Variants in NUMBL observed in about 807,000 individuals in gnomAD.
NUMBL encodes the protein numb-like protein.
In NUMBL, 20 loss-of-function variants were observed where a neutral mutation model predicts 48.9. The observed-to-expected ratio is 0.41, with a 90% confidence interval of 0.29 to 0.59. The LOEUF (loss-of-function observed/expected upper bound fraction) is 0.59. Among genes scored for constraint, NUMBL ranks in the 20% least tolerant of loss-of-function variants. The pLI is 0.31. For missense variants in NUMBL, 660 were observed against 846.2 expected, an observed-to-expected ratio of 0.78 and a Z score of 2.73; for synonymous variants, 340 against 348.7, an observed-to-expected ratio of 0.98 and a Z score of 0.28.
At chr19:40,677,170 C>T (rs2081880625) in intron 7 of NUMBL, 62 bp downstream of exon 7, 1 of 1,508,328 alleles carries the variant, frequency 6.6e-7, no homozygotes, top group Non-Finnish European at 9.0e-7. Flanking sequence ...AGCTCCCTGC[C>T]CCCTGATACT....
In NUMBL at chr19:40,686,943, G is replaced by A. The variant is rs746385018; in HGVS notation, c.77C>T (p.Pro26Leu). The A allele has an allele frequency of 1.9e-5, 29 of 1,544,790 alleles. No homozygotes were observed. Among genetic ancestry groups the A allele is most frequent in the Middle Eastern group, 1.7e-4 (1 of 5,852 alleles). The change falls in exon 2 of 10, where the codon CCG becomes CTG. Residue 26 changes from proline (P) to leucine (L), a missense_variant. Physicochemically the swap from Pro to Leu is moderately conservative, Grantham distance 98. This residue lies in a region of NUMBL where 86 missense variants were observed against 85.9 expected (regional missense o/e 1.00). Coordinates refer to ENST00000252891, the MANE Select transcript of NUMBL (RefSeq NM_004756.5). ...CGTCCTGCAGGTTTCTGGGGGCCCCGGGGCCCCACAGGGGGCTGGGGGCAG... is the reference window on the plus strand; with the variant it reads ...CGTCCTGCAGGTTTCTGGGGGCCCCAGGGCCCCACAGGGGGCTGGGGGCAG... Reference protein sequence around the residue: ...RHLPPAPCGAPGPPETCRTEP... With the variant: ...RHLPPAPCGALGPPETCRTEP...
At chr19:40,681,392 TACTA>T (rs1327018096) in intron 5 of NUMBL, among the ~76,000 whole-genome samples, 6 of 152,088 alleles carry the variant, frequency 3.9e-5, no homozygotes, top group South Asian at 2.1e-4. Flanking sequence ...CTGGAGCAGG[TACTA>T]ACTAAGAAAA....
At position 40,675,576 on chromosome 19, in the gene NUMBL, AACACACACACACAC is replaced by A. The variant is rs3071383; in HGVS notation, c.730+1642_730+1655del. ...AGGACATACATACAATTATATTTTA[AACACACACACACAC>A]ACACACACACACACACACACACACA... On this transcript the variant is annotated intron_variant, in intron 7 of 9. Coordinates refer to ENST00000252891, the MANE Select transcript of NUMBL (RefSeq NM_004756.5). Among the ~76,000 whole-genome samples the A allele has an allele frequency of 2.1e-3, 305 of 142,386 alleles. 1 individual carries two copies. Among genetic ancestry groups the A allele is most frequent in the African/African-American group, 7.5e-3 (288 of 38,520 alleles). 93.4% of individuals were successfully genotyped at this position (142,386 alleles called of 152,430 possible). A position where few individuals can be genotyped will look rare whatever the true frequency, so the allele number is the denominator to read the frequency against.
rs889882502 is a variant in NUMBL, at chr19:40,687,001, C to T, written c.25-6G>A. On this transcript the variant is annotated splice_polypyrimidine_tract_variant and splice_region_variant and intron_variant, in intron 1 of 9. Coordinates refer to ENST00000252891, the MANE Select transcript of NUMBL (RefSeq NM_004756.5). This position sits in a 1 kb window ranked among gnomAD's most constrained non-coding sequence, Gnocchi z 4.6. ...TCAGGCCTCCGGGGTCCGCCCTGCC[C>T]GAGTAGGGGAGGAGAAGGTGAGAAG... 1 of 1,491,668 alleles carries T rather than the reference C, an allele frequency of 6.7e-7. No homozygotes were observed. Among genetic ancestry groups the T allele is most frequent in the Non-Finnish European group, 8.9e-7 (1 of 1,123,522 alleles). The allele number at this position is 1,491,668 out of a possible 1,614,324, so 92.4% of individuals were successfully genotyped here. A position where few individuals can be genotyped will look rare whatever the true frequency, so the allele number is the denominator to read the frequency against.
Position 40,687,615 on chromosome 19 carries a change from A to G in NUMBL, c.25-620T>C, listed in dbSNP as rs1304984973. On this transcript the variant is annotated intron_variant, in intron 1 of 9. Transcript: ENST00000252891. This position sits in a 1 kb window ranked among gnomAD's most constrained non-coding sequence, Gnocchi z 4.6. The stretch of plus-strand genomic sequence containing the variant: ...GCCACATACAAAGAACGGGGCCCAG[A>G]CAACCCACTAGAGCCGCACATGCGT... Among the ~76,000 whole-genome samples, 1 of 152,128 alleles carries G rather than the reference A, an allele frequency of 6.6e-6. No homozygotes were observed. Among genetic ancestry groups the G allele is most frequent in the Non-Finnish European group, 1.5e-5 (1 of 68,020 alleles).
At chr19:40,670,148 G>A in intron 8 of NUMBL, 128 bp from the exon 9 acceptor site, 1 of 1,103,134 alleles carries the variant, frequency 9.1e-7, no homozygotes, top group Non-Finnish European at 1.3e-6. Context: ...TAACTAAGTG[G>A]CCATGACCGC....
chr19:40,678,540 G>A lies in NUMBL; in HGVS notation c.541-1119C>T, dbSNP rs1342792150. Among the ~76,000 whole-genome samples, 6 of 152,086 alleles carry A rather than the reference G, an allele frequency of 3.9e-5. No individual in the cohort carries two copies. In the South Asian group the frequency reaches 1.0e-3, roughly 26 times the overall value. On this transcript the variant is annotated intron_variant, in intron 6 of 9. Coordinates refer to ENST00000252891, the MANE Select transcript of NUMBL (RefSeq NM_004756.5). ...TGAGAGGTGAAGATACAGAAAGCAG[G>A]CATCCATCTGCAAACCAGGAAAAGA...
chr19:40,678,161 T>G (rs973007413), intron 6 of NUMBL, among the ~76,000 whole-genome samples: 1 of 151,812 alleles, frequency 6.6e-6, no homozygotes, highest in African/African-American at 2.4e-5. Context: ...ATTAATGCCC[T>G]TATTTATTTA....
At chr19:40,669,450 A>G (rs1276988004) in intron 9 of NUMBL, among the ~76,000 whole-genome samples, 2 of 151,572 alleles carry the variant, frequency 1.3e-5, no homozygotes, top group Non-Finnish European at 2.9e-5. Context: ...TGATCACATG[A>G]TTCTTAGGTA....
chr19:40,668,200 C>T, intron 9 of NUMBL, 62 bp from the exon 10 acceptor site: 1 of 1,507,462 alleles, frequency 6.6e-7, no homozygotes, highest in Non-Finnish European at 8.9e-7. Flanking sequence ...GAACCCCAGG[C>T]TGGGAACTGG....
chr19:40,667,264 T>A lies in NUMBL; in HGVS notation c.*204A>T. 1.4e-6 allele frequency: 1 copy of A among 701,520 alleles called. No individual in the cohort carries two copies. The highest frequency in any genetic ancestry group is 2.3e-6 in the Non-Finnish European group (1 of 436,786). 43.5% of individuals were successfully genotyped at this position (701,520 alleles called of 1,614,324 possible). ...AGTGAAATGGTTCCCTTAGCCAGGCTGGGTCCGTCCCTGAATTCCATCCTG... is the reference window on the plus strand; with the variant it reads ...AGTGAAATGGTTCCCTTAGCCAGGCAGGGTCCGTCCCTGAATTCCATCCTG... On this transcript the variant is annotated 3_prime_UTR_variant, in exon 10 of 10. Transcript: ENST00000252891. The surrounding 1 kb of genome is among the most constrained non-coding windows in gnomAD (Gnocchi z 6.1).
chr19:40,689,237 T>A (rs943059999), intron 1 of NUMBL, among the ~76,000 whole-genome samples: 1 of 151,930 alleles, frequency 6.6e-6, no homozygotes, highest in African/African-American at 2.4e-5. Flanking sequence ...TACCGAGGCA[T>A]ACAAACACAG....
chr19:40,673,396 A>G lies in NUMBL; in HGVS notation c.984T>C (p.Asn328=), dbSNP rs1003693821. 5 of 1,613,798 alleles carry G rather than the reference A, an allele frequency of 3.1e-6. No homozygotes were observed. The highest frequency in any genetic ancestry group is 4.2e-6 in the Non-Finnish European group (5 of 1,179,886). ...GGCGCTGCAGCGTGGATGGCAGCTCATTCAGCCGTAGGCTCAGCTGCCGTT... is the reference window on the plus strand; with the variant it reads ...GGCGCTGCAGCGTGGATGGCAGCTCGTTCAGCCGTAGGCTCAGCTGCCGTT... ...PFKRQLSLRL[N]ELPSTLQRRT... is the part of the protein sequence containing the mutation. Residue 328 remains asparagine (N), a synonymous_variant, in exon 8 of 10, where the codon AAT becomes AAC. Coordinates refer to ENST00000252891, the MANE Select transcript of NUMBL (RefSeq NM_004756.5). This position sits in a 1 kb window ranked among gnomAD's most constrained non-coding sequence, Gnocchi z 5.9.
intron 7 of NUMBL, among the ~76,000 whole-genome samples, chr19:40,676,230 A>G (rs1389445107): frequency 6.6e-6 from 1 of 152,138 alleles, no homozygotes; most frequent in Non-Finnish European, 1.5e-5. Context: ...AGTTCTACAA[A>G]ATATAAAAAT....
At position 40,682,985 on chromosome 19, in the gene NUMBL, T is replaced by TG. The variant is rs3833218; in HGVS notation, c.250-18dup. 54,055 of 1,418,546 alleles carry TG rather than the reference T, an allele frequency of 0.038. 134 individuals are homozygous for TG. Among genetic ancestry groups the TG allele is most frequent in the African/African-American group, 0.088 (6,075 of 69,130 alleles). 87.9% of individuals were successfully genotyped at this position (1,418,546 alleles called of 1,614,324 possible). A position where few individuals can be genotyped will look rare whatever the true frequency, so the allele number is the denominator to read the frequency against. ...ACCCAGGTACTTGGGTTGGAGGGAA[T>TG]GGGGGGGGGGACATGAAACAGCACA... On this transcript the variant is annotated splice_polypyrimidine_tract_variant and intron_variant, in intron 3 of 9. Transcript: ENST00000252891. This position sits in a 1 kb window ranked among gnomAD's most constrained non-coding sequence, Gnocchi z 4.0.
Position 40,682,606 on chromosome 19 carries a change from G to T in NUMBL, c.399+122C>A, listed in dbSNP as rs1174781096. The stretch of plus-strand genomic sequence containing the variant: ...AGTTATGACGACAGAGGGAGCACAC[G>T]GCATCGTCTAGAAGGTCCCTGAGGG... On this transcript the variant is annotated intron_variant, in intron 5 of 9. Coordinates refer to ENST00000252891, the MANE Select transcript of NUMBL (RefSeq NM_004756.5). This position sits in a 1 kb window ranked among gnomAD's most constrained non-coding sequence, Gnocchi z 4.0. 2 of 818,922 alleles carry T rather than the reference G, an allele frequency of 2.4e-6. No individual in the cohort carries two copies. The highest frequency in any genetic ancestry group is 2.6e-5 in the Admixed American group (1 of 38,976). 50.7% of individuals were successfully genotyped at this position (818,922 alleles called of 1,614,324 possible). A position where few individuals can be genotyped will look rare whatever the true frequency, so the allele number is the denominator to read the frequency against.
chr19:40,667,320 G>A lies in NUMBL; in HGVS notation c.*148C>T, dbSNP rs560803711. ...ACCTGGGCGTCACAATGTTGGTTCT[G>A]TAGTGGTTGTCGGGGTGGTTGAGGG... On this transcript the variant is annotated 3_prime_UTR_variant, in exon 10 of 10. Transcript: ENST00000252891. The surrounding 1 kb of genome is among the most constrained non-coding windows in gnomAD (Gnocchi z 6.1). 3.5e-6 allele frequency: 4 copies of A among 1,154,888 alleles called. No individual in the cohort carries two copies. In the African/African-American group the frequency reaches 6.2e-5, roughly 18 times the overall value. 71.5% of individuals were successfully genotyped at this position (1,154,888 alleles called of 1,614,324 possible). A position where few individuals can be genotyped will look rare whatever the true frequency, so the allele number is the denominator to read the frequency against.
In NUMBL at chr19:40,680,945, C is replaced by G; in HGVS notation, c.512G>C (p.Cys171Ser). 6.2e-7 allele frequency: 1 copy of G among 1,614,136 alleles called. No individual in the cohort carries two copies. Among genetic ancestry groups the G allele is most frequent in the Non-Finnish European group, 8.5e-7 (1 of 1,180,016 alleles). ...GTCCTTCAGTGCCAGAAAACAGTGG[C>G]AGATCCAGCGGCGGGTAGTCCCGTC... Reference protein sequence around the residue: ...CRDGTTRRWICHCFLALKDSG... With the variant: ...CRDGTTRRWISHCFLALKDSG... The change falls in exon 6 of 10, where the codon TGC becomes TCC. Residue 171 changes from cysteine to serine, a missense_variant. Around this residue, in one of 3 missense-constraint regions of NUMBL, gnomAD observed 278 missense variants for 420.6 expected, o/e 0.66. Transcript: ENST00000252891.
chr19:40,669,972 G>A lies in NUMBL; in HGVS notation c.1085C>T (p.Ala362Val). ...AGATGAACTGATCTGTGTGCACAGA[G>A]CGTTGATGCTGTCACTGTCGCCGGC... ...PGAGDSDSIN[A>V]LCTQISSSFA... The change falls in exon 9 of 10, where the codon GCT (alanine) becomes GTT (valine). Residue 362 changes from alanine to valine, a missense_variant. By Grantham distance (64) the Ala-to-Val change is moderately conservative (BLOSUM62 0). Coordinates refer to ENST00000252891, the MANE Select transcript of NUMBL (RefSeq NM_004756.5). 2.5e-6 allele frequency: 4 copies of A among 1,614,092 alleles called. No homozygotes were observed. The highest frequency in any genetic ancestry group is 1.3e-5 in the African/African-American group (1 of 75,048).
Sources: gnomAD v4.1 joint callset for allele counts (sites outside exome capture counted in the v4.1 genomes callset) on GRCh38, gnomAD v4.1.1 for gene constraint, gnomAD v4.1.1 regional missense constraint, Gnocchi (gnomAD v3.1) non-coding constraint, MANE v1.5 for transcripts, NCBI Gene and HGNC (gene_info 2026-07-23, HGNC 2026-07-21) for gene names.